RIMKLA: variants seen among roughly 807,000 people sequenced by gnomAD.
RIMKLA encodes ribosomal modification protein rimK like family member A, also known as N-acetylaspartylglutamate synthase A.
In RIMKLA, 14 loss-of-function variants were observed where a neutral mutation model predicts 32.7. That is an observed-to-expected ratio of 0.43 (90% CI 0.28 to 0.67). RIMKLA has a LOEUF of 0.67. Among genes scored for constraint, RIMKLA ranks in the 30% least tolerant of loss-of-function variants. The pLI is 0.18. For synonymous variants in RIMKLA, 176 were observed against 204.1 expected, an observed-to-expected ratio of 0.86 and a Z score of 1.18; for missense variants, 410 against 519.0, an observed-to-expected ratio of 0.79 and a Z score of 2.04.
chr1:42,404,464 CCTGA>C, intron 2 of RIMKLA, 43 bp from the exon 3 acceptor site: 1 of 1,329,612 alleles, frequency 7.5e-7, no homozygotes, highest in Non-Finnish European at 1.1e-6. Context: ...GTGACCGCTA[CCTGA>C]CTATCAGCCT....
At chr1:42,386,705 G>A (rs112792053) in intron 1 of RIMKLA, among the ~76,000 whole-genome samples, 2,864 of 126,296 alleles carry the variant, frequency 0.023, 92 homozygotes, top group African/African-American at 0.081. Flanking sequence ...GTGAAACCCC[G>A]TCTCTACTAA....
chr1:42,405,171 G>T (rs1422714994), intron 3 of RIMKLA, among the ~76,000 whole-genome samples: 1 of 152,084 alleles, frequency 6.6e-6, no homozygotes, highest in Admixed American at 6.5e-5. Context: ...ATCCTTTAAG[G>T]CCAGCTCCAG....
At chr1:42,408,268 C>A (rs980747182) in intron 3 of RIMKLA, among the ~76,000 whole-genome samples, 14 of 152,158 alleles carry the variant, frequency 9.2e-5, no homozygotes, top group African/African-American at 3.1e-4. Context: ...CTGTCACCTG[C>A]CATGTGGACA....
intron 1 of RIMKLA, among the ~76,000 whole-genome samples, chr1:42,382,258 CAAT>C (rs1642895971): frequency 6.6e-6 from 1 of 152,198 alleles, no homozygotes; most frequent in Admixed American, 6.5e-5. Flanking sequence ...TAATCTACAA[CAAT>C]GACTATCAGA....
Position 42,414,819 on chromosome 1 carries a change from A to T in RIMKLA, c.1021A>T (p.Thr341Ser), listed in dbSNP as rs1196378378. Residue 341 changes from threonine to serine, a missense_variant, in exon 5 of 5, where the codon ACC (threonine) becomes TCC (serine). Coordinates refer to ENST00000431473, the MANE Select transcript of RIMKLA (RefSeq NM_173642.4). ...TCAGGGAGTTGCAGAGAGCGTCTAT[A>T]CCATCAACAGTGGGTCTACCTCTAG... ...SAQGVAESVY[T>S]INSGSTSSES... The T allele has an allele frequency of 1.2e-6, 2 of 1,614,206 alleles. No individual in the cohort carries two copies. Among genetic ancestry groups the T allele is most frequent in the Admixed American group, 3.3e-5 (2 of 60,028 alleles).
In RIMKLA at chr1:42,385,842, T is replaced by TTCTC. The variant is rs200871565; in HGVS notation, c.163+4747_163+4750dup. ...TTCCTTCCTTCCTTTCTTTCTTTCTTTCTCTTTCTTTCTTTCTTTCTTTCT... is the reference window on the plus strand; with the variant it reads ...TTCCTTCCTTCCTTTCTTTCTTTCTTTCTCTCTCTTTCTTTCTTTCTTTCTTTCT... On this transcript the variant is annotated intron_variant, in intron 1 of 4. Transcript: ENST00000431473. 6.1e-4 allele frequency among the ~76,000 whole-genome samples: 39 copies of TTCTC among 63,606 alleles called. 10 individuals are homozygous for TTCTC. The highest frequency in any genetic ancestry group is 3.4e-3 in the South Asian group (7 of 2,056). The allele number at this position is 63,606 out of a possible 152,430, so 41.7% of individuals were successfully genotyped here.
rs1642927034 is a variant in RIMKLA at position 42,385,388 on chromosome 1, C to T, written c.163+4291C>T. Among the ~76,000 whole-genome samples, 4 of 152,120 alleles carry T rather than the reference C, an allele frequency of 2.6e-5. No individual in the cohort carries two copies. The South Asian group carries it at 8.3e-4, about 32-fold the overall frequency. On this transcript the variant is annotated intron_variant, in intron 1 of 4. Transcript: ENST00000431473. Reference sequence around the variant, plus strand: ...TAGTCACAAACTCAGGGACAGATACCCACCAAGACATATAAAATGAGTCTG... The same window carrying T: ...TAGTCACAAACTCAGGGACAGATACTCACCAAGACATATAAAATGAGTCTG...
intron 3 of RIMKLA, among the ~76,000 whole-genome samples, chr1:42,409,227 A>AAAAAAAAAC (rs1643176620): frequency 7.0e-6 from 1 of 142,350 alleles, no homozygotes; most frequent in African/African-American, 2.6e-5. Context: ...AAAAAAAAAA[A>AAAAAAAAAC]AAAAGCTGAT....
At chr1:42,413,073 G>A (rs183398258) in intron 4 of RIMKLA, among the ~76,000 whole-genome samples, 114 of 152,284 alleles carry the variant, frequency 7.5e-4, no homozygotes, top group South Asian at 6.6e-3. Flanking sequence ...GGCGGAGGTT[G>A]CAGTGAGCCG....
At chr1:42,388,584 A>G (rs192316529) in intron 1 of RIMKLA, among the ~76,000 whole-genome samples, 200 of 146,618 alleles carry the variant, frequency 1.4e-3, no homozygotes, top group African/African-American at 5.1e-3. Flanking sequence ...CAGTGGCACG[A>G]TCTCAGCTCA....
chr1:42,380,913 G>C lies in RIMKLA; in HGVS notation c.-22G>C, dbSNP rs552975871. 2 of 1,323,830 alleles carry C rather than the reference G, an allele frequency of 1.5e-6. No homozygotes were observed. Among genetic ancestry groups the C allele is most frequent in the East Asian group, 3.1e-5 (1 of 32,268 alleles). The allele number at this position is 1,323,830 out of a possible 1,614,324, so 82.0% of individuals were successfully genotyped here. ...GGGCGCCGAGGGGTCCGCGCCGCGCGGGGCGCACCGCCCTGGCCGCCATGT... is the reference window on the plus strand; with the variant it reads ...GGGCGCCGAGGGGTCCGCGCCGCGCCGGGCGCACCGCCCTGGCCGCCATGT... On this transcript the variant is annotated 5_prime_UTR_variant, in exon 1 of 5. Coordinates refer to ENST00000431473, the MANE Select transcript of RIMKLA (RefSeq NM_173642.4).
Position 42,423,218 on chromosome 1 carries a change from G to T in RIMKLA, c.*8244G>T, listed in dbSNP as rs574517719. On this transcript the variant is annotated 3_prime_UTR_variant, in exon 5 of 5. Transcript: ENST00000431473. ...ATAGTGCTTGATTGCTGCAGCCGAG[G>T]ATGATTTGGGGTATGACATTATGTA... 1.3e-5 allele frequency among the ~76,000 whole-genome samples: 2 copies of T among 152,286 alleles called. No individual in the cohort carries two copies. Among genetic ancestry groups the T allele is most frequent in the Admixed American group, 6.5e-5 (1 of 15,298 alleles).
chr1:42,392,494 C>T (rs1188871710), intron 1 of RIMKLA, among the ~76,000 whole-genome samples: 2 of 152,166 alleles, frequency 1.3e-5, no homozygotes, highest in Non-Finnish European at 2.9e-5. Flanking sequence ...GTCCCTTTGG[C>T]TTTTACCATT....
At chr1:42,396,190 C>T (rs934074695) in intron 1 of RIMKLA, among the ~76,000 whole-genome samples, 1 of 125,212 alleles carries the variant, frequency 8.0e-6, no homozygotes, top group Non-Finnish European at 1.6e-5. Flanking sequence ...GAGCTGAGAA[C>T]ACGCCATTGC....
chr1:42,408,718 G>A (rs958049513), intron 3 of RIMKLA, among the ~76,000 whole-genome samples: 6 of 152,138 alleles, frequency 3.9e-5, no homozygotes, highest in African/African-American at 1.4e-4. Context: ...ACTGCACCTG[G>A]CCTGGGACTG....
chr1:42,413,463 C>T (rs569860275), intron 4 of RIMKLA, among the ~76,000 whole-genome samples: 33 of 144,650 alleles, frequency 2.3e-4, no homozygotes, highest in Middle Eastern at 3.6e-3. Context: ...AAGATCACAC[C>T]ACTGCACTTC....
Position 42,410,148 on chromosome 1 carries a change from T to C in RIMKLA, c.646T>C (p.Cys216Arg), listed in dbSNP as rs764386461. ...CCAGGTCATAGGCTCTATGCTTCGC[T>C]GCTCCACTGATGGACGGATGCAGAG... ...GGQVIGSMLR[C>R]STDGRMQSNC... Residue 216 changes from cysteine (C) to arginine (R), a missense_variant, in exon 4 of 5, where the codon TGC (cysteine) becomes CGC (arginine). Coordinates refer to ENST00000431473, the MANE Select transcript of RIMKLA (RefSeq NM_173642.4). The C allele has an allele frequency of 6.2e-7, 1 of 1,614,194 alleles. No individual in the cohort carries two copies. The highest frequency in any genetic ancestry group is 1.1e-5 in the South Asian group (1 of 91,066).
chr1:42,405,900 A>C (rs1470505001), intron 3 of RIMKLA, among the ~76,000 whole-genome samples: 1 of 152,252 alleles, frequency 6.6e-6, no homozygotes, highest in African/African-American at 2.4e-5. Flanking sequence ...AAGGGTAGGC[A>C]ACGCAACCAG....
intron 1 of RIMKLA, among the ~76,000 whole-genome samples, chr1:42,393,464 G>A (rs1643016666): frequency 1.3e-5 from 2 of 152,098 alleles, no homozygotes; most frequent in African/African-American, 4.8e-5. Context: ...TTCAATAAGT[G>A]TTGAATTGAA....
Sources: allele counts gnomAD v4.1 joint callset (sites outside exome capture counted in the v4.1 genomes callset), GRCh38; gene constraint gnomAD v4.1.1; transcripts MANE v1.5; gene names NCBI Gene and HGNC (gene_info 2026-07-23, HGNC 2026-07-21).